The following MACROD2 variants were observed in gnomAD, a reference collection of about 807,000 sequenced individuals.
MACROD2 encodes the protein mono-ADP ribosylhydrolase 2.
Under a neutral mutation model 70.4 loss-of-function variants are expected in MACROD2, and 36 were observed. The ratio of observed to expected loss-of-function variants is 0.51; its 90% CI spans 0.39 to 0.68. The LOEUF is 0.68. MACROD2 is among the 30% of genes least tolerant of loss of function. MACROD2 has a pLI of 0.00. For missense variants in MACROD2, 496 were observed against 538.4 expected, an observed-to-expected ratio of 0.92 and a Z score of 0.78; for synonymous variants, 172 against 178.8, an observed-to-expected ratio of 0.96 and a Z score of 0.30.
chr20:15,980,187 T>C (rs568622237), intron 13 of MACROD2, among the ~76,000 whole-genome samples: 40 of 152,304 alleles, frequency 2.6e-4, no homozygotes, highest in African/African-American at 9.1e-4. Context: ...AAGTTATGAG[T>C]TGATTTTTAA....
intron 5 of MACROD2, among the ~76,000 whole-genome samples, chr20:14,835,106 T>C (rs898740786): frequency 2.0e-5 from 3 of 152,108 alleles, no homozygotes; most frequent in African/African-American, 7.2e-5. Context: ...TGTGTGCATG[T>C]AAAGTCCTCT....
chr20:14,502,889 C>T (rs1029811113), intron 4 of MACROD2, among the ~76,000 whole-genome samples: 1 of 152,100 alleles, frequency 6.6e-6, no homozygotes, highest in Non-Finnish European at 1.5e-5. Flanking sequence ...TTCATTTCAT[C>T]GGTATGTATA....
At position 14,873,264 on chromosome 20, in the gene MACROD2, T is replaced by A. The variant is rs767588706; in HGVS notation, c.418+188305T>A. On this transcript the variant is annotated intron_variant, in intron 5 of 17. Transcript: ENST00000684519. ...CTGGTATTATACTTACATTTATTATTATGACTTTCTACTCATAAGAACCCC... is the reference window on the plus strand; with the variant it reads ...CTGGTATTATACTTACATTTATTATAATGACTTTCTACTCATAAGAACCCC... Among the ~76,000 whole-genome samples the A allele has an allele frequency of 1.2e-4, 19 of 152,184 alleles. 1 individual carries two copies. The highest frequency in any genetic ancestry group is 2.4e-4 in the Non-Finnish European group (16 of 68,034).
At chr20:15,520,655 G>A (rs1479806481) in intron 8 of MACROD2, among the ~76,000 whole-genome samples, 2 of 152,216 alleles carry the variant, frequency 1.3e-5, no homozygotes, top group East Asian at 3.8e-4. Context: ...GGAACGGCAA[G>A]ATCCCATTGG....
intron 8 of MACROD2, among the ~76,000 whole-genome samples, chr20:15,708,797 G>C (rs2146911035): frequency 6.6e-6 from 1 of 152,170 alleles, no homozygotes; most frequent in Admixed American, 6.5e-5. Context: ...AGCTGAGGCA[G>C]GAGGATTGTT....
intron 3 of MACROD2, among the ~76,000 whole-genome samples, chr20:14,376,751 AAATAATAAT>A (rs6147295): frequency 0.081 from 11,026 of 135,766 alleles, 759 homozygotes; most frequent in African/African-American, 0.18. Flanking sequence ...GCCTGTCTCA[AAATAATAAT>A]AATAATAATA....
At chr20:14,509,320 A>G (rs1212315826) in intron 4 of MACROD2, among the ~76,000 whole-genome samples, 4 of 152,072 alleles carry the variant, frequency 2.6e-5, no homozygotes, top group African/African-American at 9.6e-5. Context: ...ATGTGCATCC[A>G]AACTATTTAG....
At chr20:15,372,255 A>G (rs1390115920) in intron 6 of MACROD2, among the ~76,000 whole-genome samples, 1 of 152,218 alleles carries the variant, frequency 6.6e-6, no homozygotes, top group Non-Finnish European at 1.5e-5. Context: ...CTTGAGGCTC[A>G]CAGAGTATGC....
chr20:14,540,025 A>G (rs1033080858), intron 4 of MACROD2, among the ~76,000 whole-genome samples: 4 of 152,192 alleles, frequency 2.6e-5, no homozygotes, highest in Non-Finnish European at 5.9e-5. Flanking sequence ...CATAACTCAC[A>G]GAGAATTATG....
At chr20:15,602,510 A>G (rs939257455) in intron 8 of MACROD2, among the ~76,000 whole-genome samples, 3 of 152,070 alleles carry the variant, frequency 2.0e-5, no homozygotes, top group African/African-American at 7.2e-5. Flanking sequence ...GAGAACCCAA[A>G]CTTCAGTAGC....
chr20:15,519,068 T>C (rs547981931), intron 8 of MACROD2, among the ~76,000 whole-genome samples: 1 of 111,082 alleles, frequency 9.0e-6, no homozygotes, highest in African/African-American at 4.6e-5. Flanking sequence ...CCTTCCTTCC[T>C]TCCTTCCTTC....
chr20:15,325,092 G>T (rs2077913853), intron 6 of MACROD2, among the ~76,000 whole-genome samples: 1 of 150,642 alleles, frequency 6.6e-6, no homozygotes, highest in South Asian at 2.2e-4. Flanking sequence ...AGGGTAGAAT[G>T]CTAACTGTAT....
intron 5 of MACROD2, among the ~76,000 whole-genome samples, chr20:14,940,341 A>G (rs2074379765): frequency 6.6e-6 from 1 of 152,060 alleles, no homozygotes; most frequent in African/African-American, 2.4e-5. Flanking sequence ...CTCAAAAACA[A>G]AACAAAACAA....
chr20:14,768,710 G>A (rs751644668), intron 5 of MACROD2, among the ~76,000 whole-genome samples: 8 of 151,642 alleles, frequency 5.3e-5, no homozygotes, highest in Non-Finnish European at 1.0e-4. Context: ...TCTGCCTCCC[G>A]GGTTCAAGTG....
chr20:15,427,211 C>T (rs749463190), intron 6 of MACROD2, among the ~76,000 whole-genome samples: 1 of 152,304 alleles, frequency 6.6e-6, no homozygotes, highest in East Asian at 1.9e-4. Context: ...CATTACACTA[C>T]CATTTGCTCC....
chr20:15,654,707 A>G (rs2049701157), intron 8 of MACROD2, among the ~76,000 whole-genome samples: 1 of 152,212 alleles, frequency 6.6e-6, no homozygotes, highest in Non-Finnish European at 1.5e-5. Flanking sequence ...GTTTGATGGC[A>G]CACAAGGAAG....
chr20:15,161,791 G>T (rs999168436), intron 5 of MACROD2, among the ~76,000 whole-genome samples: 1 of 152,010 alleles, frequency 6.6e-6, no homozygotes, highest in African/African-American at 2.4e-5. Context: ...ATGCAGAAAT[G>T]AGGAGTTTCC....
chr20:14,473,502 A>C (rs951943986), intron 3 of MACROD2, among the ~76,000 whole-genome samples: 10 of 152,222 alleles, frequency 6.6e-5, no homozygotes, highest in African/African-American at 2.4e-4. Flanking sequence ...AAGGCTGAAT[A>C]GTATTCCATT....
intron 5 of MACROD2, among the ~76,000 whole-genome samples, chr20:14,809,671 CA>C (rs1428574669): frequency 2.0e-5 from 3 of 151,508 alleles, no homozygotes; most frequent in African/African-American, 7.3e-5. Flanking sequence ...AAAAGATTAA[CA>C]AAATAGACTG....
Sources: allele counts gnomAD v4.1 joint callset (sites outside exome capture counted in the v4.1 genomes callset), GRCh38; gene constraint gnomAD v4.1.1; transcripts MANE v1.5; gene names NCBI Gene and HGNC (gene_info 2026-07-23, HGNC 2026-07-21).